Variants in MDGA2 observed in about 807,000 individuals in gnomAD.
MDGA2 encodes the protein MAM domain-containing glycosylphosphatidylinositol anchor protein 2.
MDGA2 carries 40 observed loss-of-function variants against 117.8 expected under a neutral mutation model. That is an observed-to-expected ratio of 0.34 (90% CI 0.26 to 0.44). The LOEUF (loss-of-function observed/expected upper bound fraction) is 0.44. MDGA2 is among the 20% of genes least tolerant of loss of function. MDGA2 has a pLI of 1.00. For missense variants in MDGA2, 1,123 were observed against 1,250.6 expected (o/e 0.90, Z 1.54); for synonymous variants, 452 against 439.0 (o/e 1.03, Z -0.37).
chr14:47,073,415 G>A (rs1260128797), intron 6 of MDGA2, among the ~76,000 whole-genome samples: 1 of 152,164 alleles, frequency 6.6e-6, no homozygotes, highest in Non-Finnish European at 1.5e-5. Context: ...TAAAATGGTA[G>A]TAATTATGAA....
chr14:47,087,560 AG>A (rs543707941), intron 6 of MDGA2, among the ~76,000 whole-genome samples: 68 of 152,054 alleles, frequency 4.5e-4, no homozygotes, highest in African/African-American at 1.6e-3. Flanking sequence ...ATCACAGAGA[AG>A]TAACCAAAGG....
chr14:47,124,367 GT>G (rs1881796166), intron 5 of MDGA2, among the ~76,000 whole-genome samples: 1 of 152,038 alleles, frequency 6.6e-6, no homozygotes, highest in South Asian at 2.1e-4. Flanking sequence ...TTCCTTTAGA[GT>G]TGTGTTCTTT....
intron 14 of MDGA2, among the ~76,000 whole-genome samples, chr14:46,859,453 C>G (rs1254619598): frequency 6.6e-6 from 1 of 152,144 alleles, no homozygotes; most frequent in Non-Finnish European, 1.5e-5. Context: ...GTTACCCTGA[C>G]CCACAGATTC....
At chr14:47,373,841 G>A (rs1010437627) in intron 1 of MDGA2, among the ~76,000 whole-genome samples, 1 of 152,104 alleles carries the variant, frequency 6.6e-6, no homozygotes, top group Non-Finnish European at 1.5e-5. Context: ...ACTCGATGTA[G>A]CTGAAAGAAA....
At chr14:47,375,579 CTA>C (rs1891459697) in intron 1 of MDGA2, among the ~76,000 whole-genome samples, 1 of 152,000 alleles carries the variant, frequency 6.6e-6, no homozygotes, top group African/African-American at 2.4e-5. Flanking sequence ...TTTTCTGATT[CTA>C]TAACTACATT....
intron 1 of MDGA2, among the ~76,000 whole-genome samples, chr14:47,664,528 C>T (rs975543505): frequency 1.3e-5 from 2 of 152,152 alleles, no homozygotes; most frequent in African/African-American, 4.8e-5. Context: ...AGAGTTTACT[C>T]GATGTGGAAA....
At chr14:47,448,956 G>C (rs1893184118) in intron 1 of MDGA2, among the ~76,000 whole-genome samples, 1 of 152,108 alleles carries the variant, frequency 6.6e-6, no homozygotes, top group Non-Finnish European at 1.5e-5. Flanking sequence ...TTGCTGATAT[G>C]AGGAAAAATC....
chr14:47,075,505 C>A (rs1269251736), intron 6 of MDGA2, among the ~76,000 whole-genome samples: 1 of 152,136 alleles, frequency 6.6e-6, no homozygotes, highest in African/African-American at 2.4e-5. Flanking sequence ...AATTATCAGA[C>A]AACTGACAAA....
intron 5 of MDGA2, among the ~76,000 whole-genome samples, chr14:47,102,420 CTAAA>C (rs1880391039): frequency 6.7e-6 from 1 of 149,736 alleles, no homozygotes; most frequent in Admixed American, 6.7e-5. Flanking sequence ...CACAAACTAA[CTAAA>C]TAAATAATAA....
chr14:46,981,767 G>C (rs1886681300), intron 8 of MDGA2, among the ~76,000 whole-genome samples: 1 of 152,194 alleles, frequency 6.6e-6, no homozygotes, highest in Non-Finnish European at 1.5e-5. Flanking sequence ...AAAATTGTGA[G>C]AAGGTAGCAT....
intron 13 of MDGA2, chr14:46,873,827 T>C: frequency 1.8e-6 from 1 of 570,416 alleles, no homozygotes; most frequent in Non-Finnish European, 2.8e-6. Context: ...ACTTGAATTA[T>C]CAAAAAATTC....
At chr14:46,846,653 T>C (rs942199529) in intron 15 of MDGA2, among the ~76,000 whole-genome samples, 3 of 152,138 alleles carry the variant, frequency 2.0e-5, no homozygotes, top group Non-Finnish European at 2.9e-5. Flanking sequence ...ATATTTTTTA[T>C]TTTTACAGAA....
At chr14:47,184,517 C>T (rs902653240) in intron 3 of MDGA2, among the ~76,000 whole-genome samples, 2 of 151,832 alleles carry the variant, frequency 1.3e-5, no homozygotes, top group African/African-American at 4.8e-5. Flanking sequence ...TCTTTCTCTT[C>T]CCAAGTTCTT....
rs765037054 is a variant in MDGA2, at chr14:46,957,424, C to T, written c.2039G>A (p.Cys680Tyr). Residue 680 changes from cysteine to tyrosine, a missense_variant, in exon 9 of 17, where the codon TGT becomes TAT. Around this residue, in one of 2 missense-constraint regions of MDGA2, gnomAD observed 890 missense variants for 1,050.3 expected, o/e 0.85. Transcript: ENST00000399232. Reference sequence around the variant, plus strand: ...AGCTCCAGCTTCATTTATGATGCTACAGTTATAAACCCCATAGTTTTCATT... The same window carrying T: ...AGCTCCAGCTTCATTTATGATGCTATAGTTATAAACCCCATAGTTTTCATT... ...LSNENYGVYN[C>Y]SIINEAGAGR... 1 of 1,614,106 alleles carries T rather than the reference C, an allele frequency of 6.2e-7. No individual in the cohort carries two copies. The highest frequency in any genetic ancestry group is 8.5e-7 in the Non-Finnish European group (1 of 1,179,982).
intron 2 of MDGA2, among the ~76,000 whole-genome samples, chr14:47,266,954 G>C (rs1339675846): frequency 3.3e-5 from 5 of 152,094 alleles, no homozygotes; most frequent in African/African-American, 1.2e-4. Context: ...CCTGTTCTCT[G>C]AAGTCAGAAA....
chr14:47,224,216 C>T (rs1050878203), intron 2 of MDGA2, among the ~76,000 whole-genome samples: 2 of 151,978 alleles, frequency 1.3e-5, no homozygotes, highest in African/African-American at 4.8e-5. Flanking sequence ...TGGTAACTCT[C>T]TTCCTAATCT....
chr14:47,421,261 A>G (rs895189175), intron 1 of MDGA2, among the ~76,000 whole-genome samples: 1 of 152,144 alleles, frequency 6.6e-6, no homozygotes, highest in African/African-American at 2.4e-5. Context: ...TCAAAGATTA[A>G]AAGCTCGTTT....
rs1897479328 is a variant in MDGA2 at position 47,644,080 on chromosome 14, T to C, written c.280+30437A>G. 2.0e-5 allele frequency among the ~76,000 whole-genome samples: 3 copies of C among 152,184 alleles called. 1 individual carries two copies. The highest frequency in any genetic ancestry group is 2.1e-4 in the South Asian group (1 of 4,836). On this transcript the variant is annotated intron_variant, in intron 1 of 16. Coordinates refer to ENST00000399232, the MANE Select transcript of MDGA2 (RefSeq NM_001113498.3). The stretch of plus-strand genomic sequence containing the variant: ...GCCTACTGTAAGATATATAAAGATA[T>C]GTTTTCATAGAAAAACAGTCACTTC...
chr14:47,249,141 C>G (rs908067417), intron 2 of MDGA2, among the ~76,000 whole-genome samples: 1 of 151,954 alleles, frequency 6.6e-6, no homozygotes, highest in African/African-American at 2.4e-5. Flanking sequence ...CCTCAGCCCC[C>G]CGAGTAGATG....
Sources: gnomAD v4.1 joint callset for allele counts (sites outside exome capture counted in the v4.1 genomes callset) on GRCh38, gnomAD v4.1.1 for gene constraint, gnomAD v4.1.1 regional missense constraint, MANE v1.5 for transcripts, NCBI Gene and HGNC (gene_info 2026-07-23, HGNC 2026-07-21) for gene names.